The following FGG variants were observed in gnomAD, a reference collection of about 807,000 sequenced individuals.
FGG encodes the protein fibrinogen, gamma polypeptide.
FGG carries 20 observed loss-of-function variants against 51.7 expected under a neutral mutation model. The ratio of observed to expected loss-of-function variants is 0.39; its 90% CI spans 0.27 to 0.56. The LOEUF (loss-of-function observed/expected upper bound fraction) is 0.56, where lower values mean the gene tolerates loss of function less well. FGG is among the 20% of genes least tolerant of loss of function. The pLI is 0.64. For missense variants in FGG, 460 were observed against 534.2 expected, an observed-to-expected ratio of 0.86 and a Z score of 1.37; for synonymous variants, 184 against 184.7, an observed-to-expected ratio of 1.00 and a Z score of 0.03.
chr4:154,611,203 A>G (rs1731205377), intron 4 of FGG: 1 of 152,156 alleles, frequency 6.6e-6, no homozygotes. Context: ...TTAAAACTGT[A>G]TCTGAGACCT....
At chr4:154,608,202 G>A (rs1281071933) in intron 7 of FGG, among the ~76,000 whole-genome samples, 1 of 152,116 alleles carries the variant, frequency 6.6e-6, no homozygotes, top group Non-Finnish European at 1.5e-5. Flanking sequence ...CTCAATTCCT[G>A]GGACTGATTA....
rs1246554333 is a variant in FGG at position 154,604,647 on chromosome 4, CA to C, written c.*186del. 7.3e-7 allele frequency: 1 copy of C among 1,369,062 alleles called. No homozygotes were observed. Among genetic ancestry groups the C allele is most frequent in the African/African-American group, 1.5e-5 (1 of 68,124 alleles). 84.8% of individuals were successfully genotyped at this position (1,369,062 alleles called of 1,614,324 possible). On this transcript the variant is annotated 3_prime_UTR_variant, in exon 9 of 9. Transcript: ENST00000336098. ...TTGAAATGTTATCTCCTCAAATAAA[CA>C]ATTTTTAAATAACTCTGATATCAGT...
intron 7 of FGG, among the ~76,000 whole-genome samples, 200 bp downstream of exon 7, chr4:154,608,266 C>T (rs937481217): frequency 2.6e-5 from 4 of 152,088 alleles, no homozygotes; most frequent in African/African-American, 7.2e-5. Context: ...TTAGATTGTA[C>T]CAATACACTT....
Position 154,611,851 on chromosome 4 carries a change from T to C in FGG, c.355A>G (p.Ile119Val), listed in dbSNP as rs1299422550. 2 of 1,612,372 alleles carry C rather than the reference T, an allele frequency of 1.2e-6. No homozygotes were observed. The highest frequency in any genetic ancestry group is 1.1e-5 in the South Asian group (1 of 90,998). The change falls in exon 4 of 9, where the codon ATT (isoleucine) becomes GTT (valine). Residue 119 changes from isoleucine (I) to valine (V), a missense_variant. Physicochemically the swap from Ile to Val is conservative, Grantham distance 29. This residue lies in a region of FGG where 353 missense variants were observed against 391.7 expected (regional missense o/e 0.90). Transcript: ENST00000336098. ...TLKSRKMLEE[I>V]MKYEASILTH... ...AAAATCGATGCTTCATATTTCATAA[T>C]TTCTTCTAACATTTTCCTGGACTTC...
Position 154,611,877 on chromosome 4 carries a change from A to T in FGG, c.329T>A (p.Leu110Ter). ...SKPNMIDAAT[L>*]KSRKMLEEIM... ...TTCTTCTAACATTTTCCTGGACTTC[A>T]AAGTAGCAGCGTCTATCATATCTGT... Residue 110 changes from leucine to a stop codon, truncating the protein, a stop_gained, in exon 4 of 9, where the codon TTG becomes TAG. Coordinates refer to ENST00000336098, the MANE Select transcript of FGG (RefSeq NM_021870.3). LOFTEE classifies it high-confidence loss of function. The T allele has an allele frequency of 6.2e-7, 1 of 1,612,200 alleles. No homozygotes were observed. Among genetic ancestry groups the T allele is most frequent in the Non-Finnish European group, 8.5e-7 (1 of 1,179,196 alleles).
At chr4:154,606,643 TA>T (rs1731101602) in intron 8 of FGG, 61 bp downstream of exon 8, 2 of 1,503,844 alleles carry the variant, frequency 1.3e-6, no homozygotes, top group African/African-American at 2.8e-5. Context: ...ATCTATTTAT[TA>T]TTTTTTATGA....
chr4:154,604,372 A>C lies in FGG; in HGVS notation c.*462T>G. ...TCTCCAGCCTGTGAATATATAACAA[A>C]ACAAAAACCATATTAAAAAGACATA... On this transcript the variant is annotated 3_prime_UTR_variant, in exon 9 of 9. Coordinates refer to ENST00000336098, the MANE Select transcript of FGG (RefSeq NM_021870.3). 6.7e-7 allele frequency: 1 copy of C among 1,492,958 alleles called. No individual in the cohort carries two copies. The allele number at this position is 1,492,958 out of a possible 1,614,324, so 92.5% of individuals were successfully genotyped here.
rs945273657 is a variant in FGG, at chr4:154,609,955, G to A, written c.532+112C>T. The A allele has an allele frequency of 4.6e-5, 70 of 1,532,768 alleles. No homozygotes were observed. The South Asian group carries it at 7.7e-4, about 17-fold the overall frequency. 94.9% of individuals were successfully genotyped at this position (1,532,768 alleles called of 1,614,324 possible). A position where few individuals can be genotyped will look rare whatever the true frequency, so the allele number is the denominator to read the frequency against. On this transcript the variant is annotated intron_variant, in intron 5 of 8. Coordinates refer to ENST00000336098, the MANE Select transcript of FGG (RefSeq NM_021870.3). ...AAGGTCTAGACAACTGAAATTCTTA[G>A]ACTTAATGGGTAGCCACTTTCTAAA... is the stretch of plus-strand genomic sequence containing the variant.
At chr4:154,608,136 A>G (rs372256190) in intron 7 of FGG, among the ~76,000 whole-genome samples, 78 of 152,332 alleles carry the variant, frequency 5.1e-4, no homozygotes, top group African/African-American at 1.8e-3. Flanking sequence ...TGGGATTAAT[A>G]ATAATACCTG....
rs1478634181 is a variant in FGG, at chr4:154,604,647, C to T, written c.*187G>A. ...TTGAAATGTTATCTCCTCAAATAAACAATTTTTAAATAACTCTGATATCAG... is the reference window on the plus strand; with the variant it reads ...TTGAAATGTTATCTCCTCAAATAAATAATTTTTAAATAACTCTGATATCAG... On this transcript the variant is annotated 3_prime_UTR_variant, in exon 9 of 9. Coordinates refer to ENST00000336098, the MANE Select transcript of FGG (RefSeq NM_021870.3). 1 of 1,369,062 alleles carries T rather than the reference C, an allele frequency of 7.3e-7. No individual in the cohort carries two copies. The highest frequency in any genetic ancestry group is 3.1e-5 in the Admixed American group (1 of 31,766). The allele number at this position is 1,369,062 out of a possible 1,614,324, so 84.8% of individuals were successfully genotyped here. A position where few individuals can be genotyped will look rare whatever the true frequency, so the allele number is the denominator to read the frequency against.
At chr4:154,608,406 A>G in intron 7 of FGG, 60 bp downstream of exon 7, 1 of 1,516,686 alleles carries the variant, frequency 6.6e-7, no homozygotes, top group South Asian at 1.2e-5. Context: ...TGATAGTTGG[A>G]AAGTGCACAT....
At position 154,611,889 on chromosome 4, in the gene FGG, T is replaced by G. The variant is rs1225783222; in HGVS notation, c.317A>C (p.Asp106Ala). ...TTTCCTGGACTTCAAAGTAGCAGCG[T>G]CTATCATATCTGTAATATAGGATCA... ...PDESSKPNMI[D>A]AATLKSRKML... The change falls in exon 4 of 9, where the codon GAC (aspartate) becomes GCC (alanine). Residue 106 changes from aspartate (D) to alanine (A), a missense_variant. Coordinates refer to ENST00000336098, the MANE Select transcript of FGG (RefSeq NM_021870.3). The G allele has an allele frequency of 6.2e-7, 1 of 1,610,984 alleles. No homozygotes were observed. The highest frequency in any genetic ancestry group is 1.3e-5 in the African/African-American group (1 of 74,864).
chr4:154,612,362 A>G (rs1169868681), intron 2 of FGG, 29 bp downstream of exon 2: 1 of 1,611,702 alleles, frequency 6.2e-7, no homozygotes, highest in East Asian at 2.2e-5. Flanking sequence ...CAGTTCACAC[A>G]CAAAGGGAGA....
rs1228729821 is a variant in FGG, at chr4:154,604,863, CAT to C, written c.1331_1332del (p.Tyr444Ter). ...AAATCATCCTCAGGGTAAAGTGAGT[CAT>C]ATTCTGTTTCCGCAGGGTGCTCTGG... is the stretch of plus-strand genomic sequence containing the variant. ...VRPEHPAETE[Y>X]DSLYPEDDL is the part of the protein sequence containing the mutation. On this transcript the variant is annotated frameshift_variant, in exon 9 of 9. Transcript: ENST00000336098. LOFTEE classifies it low-confidence loss of function (END_TRUNC). The C allele has an allele frequency of 6.2e-7, 1 of 1,614,050 alleles. No homozygotes were observed.
intron 8 of FGG, 124 bp from the exon 9 acceptor site, chr4:154,605,190 A>T (rs1731076154): frequency 1.1e-6 from 1 of 879,256 alleles, no homozygotes; most frequent in African/African-American, 1.7e-5. Flanking sequence ...TTATCTGCTA[A>T]CTGAAAATAT....
At chr4:154,607,809 A>G (rs1731127970) in intron 7 of FGG, among the ~76,000 whole-genome samples, 1 of 152,204 alleles carries the variant, frequency 6.6e-6, no homozygotes, top group African/African-American at 2.4e-5. Flanking sequence ...AATATATTTC[A>G]CTATTCCTTA....
At chr4:154,609,427 A>G (rs1382544590) in intron 6 of FGG, among the ~76,000 whole-genome samples, 2 of 152,168 alleles carry the variant, frequency 1.3e-5, no homozygotes, top group African/African-American at 4.8e-5. Context: ...GTTGCTTATT[A>G]GTTATGTGGT....
At chr4:154,611,285 C>T (rs1731206871) in intron 4 of FGG, 1 of 152,884 alleles carries the variant, frequency 6.5e-6, no homozygotes, top group Admixed American at 6.5e-5. Flanking sequence ...AGGGAAGAGA[C>T]TATGCAGGTT....
intron 7 of FGG, among the ~76,000 whole-genome samples, chr4:154,608,245 T>C (rs2110843858): frequency 6.6e-6 from 1 of 152,332 alleles, no homozygotes; most frequent in African/African-American, 2.4e-5. Flanking sequence ...CTCTGAATGG[T>C]TCCAGGGTAA....
Sources: allele counts gnomAD v4.1 joint callset (sites outside exome capture counted in the v4.1 genomes callset), GRCh38; gene constraint gnomAD v4.1.1; regional missense constraint gnomAD v4.1.1; transcripts MANE v1.5; gene names NCBI Gene and HGNC (gene_info 2026-07-23, HGNC 2026-07-21).